The following NUFIP1 variants were observed in gnomAD, a reference collection of about 807,000 sequenced individuals.
The protein encoded by NUFIP1 is nuclear FMR1 interacting protein 1.
Under a neutral mutation model 56.2 loss-of-function variants are expected in NUFIP1, and 38 were observed. That is an observed-to-expected ratio of 0.68 (90% CI 0.52 to 0.89). NUFIP1 has a LOEUF of 0.89. NUFIP1 is among the 40% of genes least tolerant of loss of function. The pLI, the probability that NUFIP1 is intolerant of heterozygous loss-of-function variation, is 0.00. For synonymous variants in NUFIP1, 215 were observed against 212.4 expected (o/e 1.01, Z -0.10); for missense variants, 567 against 605.8 (o/e 0.94, Z 0.67).
chr13:44,943,680 T>C lies in NUFIP1; in HGVS notation c.1139-6A>G, dbSNP rs1870824372. 1 of 1,593,910 alleles carries C rather than the reference T, an allele frequency of 6.3e-7. No homozygotes were observed. Among genetic ancestry groups the C allele is most frequent in the Admixed American group, 1.8e-5 (1 of 55,804 alleles). ...TTCAGTCTTGATGGGAGTTTCTAAG[T>C]GTGATGAAAAACAAACACAAAAATA... On this transcript the variant is annotated splice_region_variant and splice_polypyrimidine_tract_variant and intron_variant, in intron 8 of 9. Coordinates refer to ENST00000379161, the MANE Select transcript of NUFIP1 (RefSeq NM_012345.3).
At chr13:44,969,057 T>C (rs1401363095) in intron 5 of NUFIP1, among the ~76,000 whole-genome samples, 1 of 152,180 alleles carries the variant, frequency 6.6e-6, no homozygotes, top group Non-Finnish European at 1.5e-5. Flanking sequence ...GTAAGGAAAC[T>C]TGTCTTCCTA....
In NUFIP1 at chr13:44,941,071, C is replaced by G; in HGVS notation, c.*135G>C. The G allele has an allele frequency of 1.9e-6, 1 of 535,200 alleles. No individual in the cohort carries two copies. The highest frequency in any genetic ancestry group is 2.9e-5 in the East Asian group (1 of 34,194). The allele number at this position is 535,200 out of a possible 1,614,324, so 33.2% of individuals were successfully genotyped here. A position where few individuals can be genotyped will look rare whatever the true frequency, so the allele number is the denominator to read the frequency against. ...GAACCAAAGGAAAGACTTAAAATTC[C>G]AACATACATCCTACGAGGCTTACAA... On this transcript the variant is annotated 3_prime_UTR_variant, in exon 10 of 10. Transcript: ENST00000379161.
chr13:44,943,483 A>C lies in NUFIP1; in HGVS notation c.1330T>G (p.Leu444Val). ...RKKDYHNYQT[L>V]FEPRTHHPYL... ...GGATGGTGTGTTCTTGGTTCGAATA[A>C]CGTTTGATAGTTGTGATAATCTTTT... Residue 444 changes from leucine (L) to valine (V), a missense_variant, in exon 9 of 10, where the codon TTA becomes GTA. Transcript: ENST00000379161. 1 of 1,614,158 alleles carries C rather than the reference A, an allele frequency of 6.2e-7. No individual in the cohort carries two copies. Among genetic ancestry groups the C allele is most frequent in the Non-Finnish European group, 8.5e-7 (1 of 1,180,008 alleles).
At chr13:44,946,748 C>G (rs1471720823) in intron 8 of NUFIP1, among the ~76,000 whole-genome samples, 1 of 152,092 alleles carries the variant, frequency 6.6e-6, no homozygotes, top group Non-Finnish European at 1.5e-5. Flanking sequence ...ACAGATTGTT[C>G]CTATATATTT....
chr13:44,954,823 C>T (rs1246719655), intron 7 of NUFIP1, among the ~76,000 whole-genome samples: 2 of 152,204 alleles, frequency 1.3e-5, no homozygotes, highest in African/African-American at 4.8e-5. Context: ...ACCTGATGTG[C>T]TGGGCCAGTT....
At chr13:44,971,316 C>T (rs1449770586) in intron 5 of NUFIP1, among the ~76,000 whole-genome samples, 1 of 152,146 alleles carries the variant, frequency 6.6e-6, no homozygotes, top group Non-Finnish European at 1.5e-5. Flanking sequence ...AAACCTATAA[C>T]CTCACTTATT....
intron 1 of NUFIP1, among the ~76,000 whole-genome samples, chr13:44,987,528 CT>C (rs904971762): frequency 4.5e-4 from 68 of 151,146 alleles, no homozygotes; most frequent in Non-Finnish European, 5.2e-4. Context: ...GTAAAAATAA[CT>C]TTTTTGCCCC....
intron 1 of NUFIP1, among the ~76,000 whole-genome samples, chr13:44,987,842 C>A (rs1366833371): frequency 6.6e-6 from 1 of 152,240 alleles, no homozygotes; most frequent in African/African-American, 2.4e-5. Context: ...ATCCGCTGTA[C>A]TACCCACCTC....
At chr13:44,983,617 C>T (rs1316035822) in intron 1 of NUFIP1, among the ~76,000 whole-genome samples, 1 of 152,080 alleles carries the variant, frequency 6.6e-6, no homozygotes, top group South Asian at 2.1e-4. Flanking sequence ...AGCAGCCTGG[C>T]GAAACTCTGT....
intron 1 of NUFIP1, 147 bp downstream of exon 1, chr13:44,988,877 CG>C: frequency 1.4e-6 from 1 of 722,568 alleles, no homozygotes. Flanking sequence ...TTTGTAGAGA[CG>C]GGGGTCTCAC....
chr13:44,986,872 T>C (rs1391059904), intron 1 of NUFIP1, among the ~76,000 whole-genome samples: 1 of 152,096 alleles, frequency 6.6e-6, no homozygotes, highest in Non-Finnish European at 1.5e-5. Context: ...AAAGGATTTA[T>C]AATATTATAT....
At chr13:44,976,296 AAGGAGAAGGAGAAGAAAGGAGG>A (rs1871973526) in intron 5 of NUFIP1, among the ~76,000 whole-genome samples, 2 of 151,898 alleles carry the variant, frequency 1.3e-5, no homozygotes, top group South Asian at 4.2e-4. Flanking sequence ...AGAAGGAAGG[AAGGAGAAGGAGAAGAAAGGAGG>A]AGGAGAAGAA....
chr13:44,962,333 CAGATTTATCATA>C (rs1386084978), intron 6 of NUFIP1, among the ~76,000 whole-genome samples: 2 of 152,074 alleles, frequency 1.3e-5, no homozygotes, highest in African/African-American at 4.8e-5. Context: ...ATTATATTGC[CAGATTTATCATA>C]AGTTAGGTGA....
intron 5 of NUFIP1, among the ~76,000 whole-genome samples, chr13:44,976,078 A>G (rs1466064788): frequency 1.3e-5 from 2 of 152,192 alleles, no homozygotes; most frequent in Non-Finnish European, 2.9e-5. Flanking sequence ...ACTGACACCA[A>G]TAAGTTGAAC....
At chr13:44,956,732 G>A (rs1235633877) in intron 7 of NUFIP1, among the ~76,000 whole-genome samples, 2 of 152,196 alleles carry the variant, frequency 1.3e-5, no homozygotes, top group Admixed American at 6.5e-5. Flanking sequence ...CTCACAGGTA[G>A]TAAGGCAGGC....
At chr13:44,968,555 G>C (rs1456982616) in intron 5 of NUFIP1, among the ~76,000 whole-genome samples, 1 of 152,190 alleles carries the variant, frequency 6.6e-6, no homozygotes, top group Non-Finnish European at 1.5e-5. Flanking sequence ...TAGTTTTACA[G>C]AGAGGATGGT....
intron 5 of NUFIP1, among the ~76,000 whole-genome samples, chr13:44,970,373 G>C (rs1871760095): frequency 6.6e-6 from 1 of 152,184 alleles, no homozygotes; most frequent in South Asian, 2.1e-4. Flanking sequence ...AGATAAGGAA[G>C]CCATATGCCA....
chr13:44,943,373 C>G (rs1364085470), intron 9 of NUFIP1, 69 bp downstream of exon 9: 9 of 1,311,034 alleles, frequency 6.9e-6, no homozygotes, highest in Non-Finnish European at 9.8e-6. Context: ...CACACACACA[C>G]ACACCCCAGT....
chr13:44,985,596 C>T (rs1441770964), intron 1 of NUFIP1, among the ~76,000 whole-genome samples: 6 of 152,146 alleles, frequency 3.9e-5, no homozygotes, highest in Middle Eastern at 3.4e-3. Context: ...ATTTTTATTA[C>T]GTCTGTTATA....
Sources: gnomAD v4.1 joint callset for allele counts (sites outside exome capture counted in the v4.1 genomes callset) on GRCh38, gnomAD v4.1.1 for gene constraint, MANE v1.5 for transcripts, NCBI Gene and HGNC (gene_info 2026-07-23, HGNC 2026-07-21) for gene names.